Variants in ADAM12 observed in about 807,000 individuals in gnomAD.
The protein encoded by ADAM12 is ADAM metallopeptidase domain 12, also known as disintegrin and metalloproteinase domain-containing protein 12.
Under a neutral mutation model 106.4 loss-of-function variants are expected in ADAM12, and 70 were observed. The ratio of observed to expected loss-of-function variants is 0.66; its 90% CI spans 0.54 to 0.80. ADAM12 has a LOEUF of 0.80. Ranked by LOEUF, ADAM12 falls within the 30% of genes least tolerant of loss-of-function variation. ADAM12 has a pLI of 0.00. For synonymous variants in ADAM12, 420 were observed against 433.5 expected (o/e 0.97, Z 0.39); for missense variants, 1,010 against 1,171.9 (o/e 0.86, Z 2.02).
intron 3 of ADAM12, among the ~76,000 whole-genome samples, chr10:126,224,167 AG>A (rs1411734268): frequency 1.3e-5 from 2 of 151,958 alleles, no homozygotes; most frequent in African/African-American, 2.4e-5. Context: ...GACTGCCCTC[AG>A]GGGAGCCCAG....
At chr10:126,166,320 C>A (rs1674931) in intron 3 of ADAM12, among the ~76,000 whole-genome samples, 132,869 of 152,150 alleles carry the variant, frequency 0.87, 58,838 homozygotes, top group Middle Eastern at 0.95. Context: ...CTGACTTGTC[C>A]ACTGGCTGAA....
chr10:126,191,691 T>G (rs1399211016), intron 3 of ADAM12, among the ~76,000 whole-genome samples: 1 of 152,158 alleles, frequency 6.6e-6, no homozygotes, highest in African/African-American at 2.4e-5. Context: ...TTGAATGCTG[T>G]GGACAATAGC....
chr10:126,295,031 G>C (rs965942942), intron 2 of ADAM12, among the ~76,000 whole-genome samples: 3 of 152,002 alleles, frequency 2.0e-5, no homozygotes. Context: ...TTAAATGAAA[G>C]GTTTCCTTGC....
At chr10:126,230,122 C>A (rs1478286442) in intron 3 of ADAM12, among the ~76,000 whole-genome samples, 1 of 152,128 alleles carries the variant, frequency 6.6e-6, no homozygotes, top group East Asian at 1.9e-4. Flanking sequence ...CTTACCAAGC[C>A]CAGGGAAGGT....
At chr10:126,283,628 T>C (rs959978649) in intron 2 of ADAM12, among the ~76,000 whole-genome samples, 1 of 152,200 alleles carries the variant, frequency 6.6e-6, no homozygotes, top group Non-Finnish European at 1.5e-5. Flanking sequence ...GCTCATGTTT[T>C]CTGACCATTT....
rs1261280701 is a variant in ADAM12 at position 126,064,296 on chromosome 10, A to G, written c.1609+510T>C. On this transcript the variant is annotated intron_variant, in intron 14 of 22. Coordinates refer to ENST00000448723, the MANE Select transcript of ADAM12 (RefSeq NM_001288973.2). This position sits in a 1 kb window ranked among gnomAD's most constrained non-coding sequence, Gnocchi z 4.4. ...TTCAAGTCTGATCAGGGCCTTCCCC[A>G]TGGAGCCCTGGGCCCCTCACTTGGT... is the stretch of plus-strand genomic sequence containing the variant. Among the ~76,000 whole-genome samples the G allele has an allele frequency of 1.3e-5, 2 of 152,284 alleles. No homozygotes were observed. Among genetic ancestry groups the G allele is most frequent in the South Asian group, 2.1e-4 (1 of 4,812 alleles).
chr10:126,037,512 T>TTCAA (rs1165937444), intron 20 of ADAM12, among the ~76,000 whole-genome samples: 2 of 152,216 alleles, frequency 1.3e-5, no homozygotes, highest in Non-Finnish European at 2.9e-5. Context: ...GCAATGATTT[T>TTCAA]TCAATCACTT....
intron 11 of ADAM12, among the ~76,000 whole-genome samples, chr10:126,093,575 T>A (rs1296224278): frequency 1.3e-5 from 2 of 151,678 alleles, no homozygotes; most frequent in Non-Finnish European, 2.9e-5. Context: ...ATGTGGCCCA[T>A]CTCCACTCTG....
chr10:126,104,044 C>T (rs767717725), intron 8 of ADAM12, among the ~76,000 whole-genome samples: 1 of 152,162 alleles, frequency 6.6e-6, no homozygotes, highest in Non-Finnish European at 1.5e-5. Context: ...TGGGAAGAAA[C>T]AGTGAGGCGG....
At chr10:126,369,563 CA>C (rs1379134385) in intron 1 of ADAM12, among the ~76,000 whole-genome samples, 2 of 152,228 alleles carry the variant, frequency 1.3e-5, no homozygotes, top group African/African-American at 4.8e-5. Flanking sequence ...AAAGAACTGT[CA>C]GGCAAAGGCA....
chr10:126,158,541 G>GA (rs66502244), intron 3 of ADAM12, among the ~76,000 whole-genome samples: 55,488 of 90,008 alleles, frequency 0.62, 20,231 homozygotes, highest in East Asian at 0.76. Context: ...CAGAGCACGG[G>GA]GAGGATGCAC....
intron 9 of ADAM12, among the ~76,000 whole-genome samples, chr10:126,100,607 C>T (rs566396379): frequency 2.2e-4 from 33 of 151,484 alleles, no homozygotes; most frequent in African/African-American, 6.8e-4. Flanking sequence ...CTCAGCTACT[C>T]GGGAGGTTGA....
intron 3 of ADAM12, among the ~76,000 whole-genome samples, chr10:126,189,575 A>G (rs1957460005): frequency 6.6e-6 from 1 of 152,192 alleles, no homozygotes; most frequent in Admixed American, 6.5e-5. Context: ...CTAAACATGC[A>G]TTGCCATGTT....
intron 5 of ADAM12, among the ~76,000 whole-genome samples, chr10:126,130,627 G>A (rs1411827939): frequency 6.6e-6 from 1 of 152,214 alleles, no homozygotes; most frequent in African/African-American, 2.4e-5. Context: ...GGCCAGCGAG[G>A]TCGTCACCAC....
At chr10:126,024,072 CCAAAGAGAACTT>C in intron 21 of ADAM12, among the ~76,000 whole-genome samples, 1 of 152,068 alleles carries the variant, frequency 6.6e-6, no homozygotes, top group Non-Finnish European at 1.5e-5. Context: ...TGAATTAGAA[CCAAAGAGAACTT>C]CTAGAAGCAA....
At chr10:126,288,571 G>A (rs1375523519) in intron 2 of ADAM12, among the ~76,000 whole-genome samples, 1 of 152,104 alleles carries the variant, frequency 6.6e-6, no homozygotes, top group African/African-American at 2.4e-5. Flanking sequence ...CCTGGGGATA[G>A]GACTGTGTGG....
intron 2 of ADAM12, among the ~76,000 whole-genome samples, chr10:126,323,369 A>C (rs188210715): frequency 6.6e-6 from 1 of 152,186 alleles, no homozygotes; most frequent in Non-Finnish European, 1.5e-5. Context: ...ACAGAGCTAC[A>C]CTTGGGGCGG....
rs947201153 is a variant in ADAM12 at position 126,044,124 on chromosome 10, A to G, written c.1996-976T>C. 1.1e-3 allele frequency among the ~76,000 whole-genome samples: 165 copies of G among 152,194 alleles called. 1 individual carries two copies. The highest frequency in any genetic ancestry group is 3.6e-3 in the African/African-American group (151 of 41,510). On this transcript the variant is annotated intron_variant, in intron 17 of 22. Transcript: ENST00000448723. Reference sequence around the variant, plus strand: ...ACCATGAAGATGATATATATTTAATATATTTTTTTCTATGAAAATTAGGTT... The same window carrying G: ...ACCATGAAGATGATATATATTTAATGTATTTTTTTCTATGAAAATTAGGTT...
At position 126,321,912 on chromosome 10, in the gene ADAM12, G is replaced by GGA. The variant is rs1471366149; in HGVS notation, c.186+8499_186+8500insTC. On this transcript the variant is annotated intron_variant, in intron 2 of 22. Coordinates refer to ENST00000448723, the MANE Select transcript of ADAM12 (RefSeq NM_001288973.2). ...AACTTTCTACCTGGGGGTCGGGGGG[G>GGA]GGGCTTCAGCAACCTCATGTGCACA... Among the ~76,000 whole-genome samples, 4 of 138,580 alleles carry GGA rather than the reference G, an allele frequency of 2.9e-5. 1 individual carries two copies. The highest frequency in any genetic ancestry group is 2.8e-4 in the South Asian group (1 of 3,584). The allele number at this position is 138,580 out of a possible 152,430, so 90.9% of individuals were successfully genotyped here.
Sources: gnomAD v4.1 joint callset for allele counts (sites outside exome capture counted in the v4.1 genomes callset) on GRCh38, gnomAD v4.1.1 for gene constraint, Gnocchi (gnomAD v3.1) non-coding constraint, MANE v1.5 for transcripts, NCBI Gene and HGNC (gene_info 2026-07-23, HGNC 2026-07-21) for gene names.